The following PLXNA4 variants were observed in gnomAD, a reference collection of about 807,000 sequenced individuals.
PLXNA4 encodes the protein plexin-A4.
Under a neutral mutation model 191.8 loss-of-function variants are expected in PLXNA4, and 44 were observed. The ratio of observed to expected loss-of-function variants is 0.23; its 90% CI spans 0.18 to 0.29. The LOEUF (loss-of-function observed/expected upper bound fraction) is 0.29. Among genes scored for constraint, PLXNA4 ranks in the 10% least tolerant of loss-of-function variants. PLXNA4 has a pLI of 1.00. For synonymous variants in PLXNA4, 1,082 were observed against 1,009.5 expected, an observed-to-expected ratio of 1.07 and a Z score of -1.36; for missense variants, 1,800 against 2,488.8, an observed-to-expected ratio of 0.72 and a Z score of 5.89.
chr7:132,536,512 C>T (rs919791141), intron 1 of PLXNA4, among the ~76,000 whole-genome samples: 2 of 152,228 alleles, frequency 1.3e-5, no homozygotes, highest in African/African-American at 4.8e-5. Context: ...CTGAACAAGG[C>T]TTCCTTCAGC....
intron 2 of PLXNA4, among the ~76,000 whole-genome samples, chr7:132,623,876 A>C (rs1803321346): frequency 6.6e-6 from 1 of 152,230 alleles, no homozygotes; most frequent in Non-Finnish European, 1.5e-5. Flanking sequence ...CAAGCTGCTT[A>C]GTTGCTTTTT....
intron 2 of PLXNA4, among the ~76,000 whole-genome samples, chr7:132,594,371 A>G (rs1207793736): frequency 6.6e-6 from 1 of 152,202 alleles, no homozygotes; most frequent in Non-Finnish European, 1.5e-5. Flanking sequence ...CAGTGGGAGC[A>G]CGACCCTGCA....
chr7:132,485,848 C>T (rs1241742609), intron 3 of PLXNA4, among the ~76,000 whole-genome samples: 2 of 152,154 alleles, frequency 1.3e-5, no homozygotes, highest in Admixed American at 1.3e-4. Context: ...ACCTCCTTTC[C>T]CCCCGCTTCA....
intron 4 of PLXNA4, among the ~76,000 whole-genome samples, chr7:132,250,070 G>T (rs1004298814): frequency 1.3e-5 from 2 of 152,152 alleles, no homozygotes; most frequent in African/African-American, 4.8e-5. Context: ...AACAGACCTG[G>T]GTTTGGATCC....
intron 19 of PLXNA4, 118 bp downstream of exon 19, chr7:132,180,468 A>G (rs547219271): frequency 1.4e-6 from 2 of 1,459,582 alleles, no homozygotes; most frequent in African/African-American, 1.4e-5. Context: ...GGTGTGGGGT[A>G]GCTACAGGAA....
chr7:132,626,267 T>C (rs1803370619), intron 2 of PLXNA4, among the ~76,000 whole-genome samples: 2 of 152,230 alleles, frequency 1.3e-5, no homozygotes, highest in Non-Finnish European at 2.9e-5. Context: ...CCTACTGTAG[T>C]GGACACTGTC....
chr7:132,411,750 CA>C (rs1339019210), intron 3 of PLXNA4, among the ~76,000 whole-genome samples: 7 of 152,216 alleles, frequency 4.6e-5, no homozygotes, highest in Non-Finnish European at 1.0e-4. Flanking sequence ...ATCCCCAGTT[CA>C]AATTCCACTC....
At chr7:132,474,026 G>A (rs1244535308) in intron 3 of PLXNA4, among the ~76,000 whole-genome samples, 1 of 151,766 alleles carries the variant, frequency 6.6e-6, no homozygotes, top group East Asian at 1.9e-4. Context: ...AGAGAAAGCT[G>A]CAAACAGAAA....
intron 10 of PLXNA4, among the ~76,000 whole-genome samples, chr7:132,204,750 G>A (rs1797556352): frequency 2.0e-5 from 3 of 152,138 alleles, no homozygotes; most frequent in South Asian, 2.1e-4. Flanking sequence ...GGCAGGGACA[G>A]GTCTGCACCC....
In PLXNA4 at chr7:132,125,059, G is replaced by A. The variant is rs536196887; in HGVS notation, c.*5420C>T. ...AGTAAAAAAAAAAAAACTCTCTCTT[G>A]CATGTCTGAAACTTTTACTGCAGTG... On this transcript the variant is annotated 3_prime_UTR_variant, in exon 32 of 32. Transcript: ENST00000321063. 1 of 151,854 alleles carries A rather than the reference G, an allele frequency of 6.6e-6. No individual in the cohort carries two copies. The highest frequency in any genetic ancestry group is 1.5e-5 in the Non-Finnish European group (1 of 67,970). 9.4% of individuals were successfully genotyped at this position (151,854 alleles called of 1,614,324 possible).
At chr7:132,234,011 A>C (rs1798610388) in intron 5 of PLXNA4, among the ~76,000 whole-genome samples, 1 of 152,082 alleles carries the variant, frequency 6.6e-6, no homozygotes, top group Admixed American at 6.5e-5. Flanking sequence ...TAGCTCTATT[A>C]GGGCCTATTA....
At chr7:132,377,439 G>GAAAAC (rs1053319854) in intron 3 of PLXNA4, among the ~76,000 whole-genome samples, 2 of 142,430 alleles carry the variant, frequency 1.4e-5, no homozygotes, top group African/African-American at 2.6e-5. Flanking sequence ...AAAAAAAAAA[G>GAAAAC]AAAACAAAAC....
intron 1 of PLXNA4, among the ~76,000 whole-genome samples, chr7:132,562,042 CCTCCTCCTCTCCCTCCTCCTT>C (rs1801166657): frequency 7.8e-6 from 1 of 128,958 alleles, no homozygotes; most frequent in African/African-American, 3.1e-5. Context: ...TCCTCCTCTT[CCTCCTCCTCTCCCTCCTCCTT>C]CTCCTCCTCT....
At chr7:132,434,620 T>C (rs1419001465) in intron 3 of PLXNA4, among the ~76,000 whole-genome samples, 1 of 152,254 alleles carries the variant, frequency 6.6e-6, no homozygotes, top group African/African-American at 2.4e-5. Context: ...ATCTGCTATC[T>C]CTTTTTAGCC....
chr7:132,140,032 C>T (rs1303093890), intron 30 of PLXNA4, among the ~76,000 whole-genome samples: 2 of 152,216 alleles, frequency 1.3e-5, no homozygotes, highest in South Asian at 2.1e-4. Flanking sequence ...CCTTCAGTCA[C>T]GAGAGCTCTG....
chr7:132,369,962 G>A (rs1337311183), intron 3 of PLXNA4, among the ~76,000 whole-genome samples: 1 of 151,820 alleles, frequency 6.6e-6, no homozygotes, highest in Non-Finnish European at 1.5e-5. Context: ...CAGCTACTCG[G>A]GAGGCTGAGG....
At chr7:132,269,929 G>A (rs1179869621) in intron 4 of PLXNA4, among the ~76,000 whole-genome samples, 1 of 152,086 alleles carries the variant, frequency 6.6e-6, no homozygotes. Flanking sequence ...CAGTGCTGAG[G>A]CCCCTACTTT....
At chr7:132,320,561 C>T (rs1184974965) in intron 3 of PLXNA4, among the ~76,000 whole-genome samples, 2 of 152,172 alleles carry the variant, frequency 1.3e-5, no homozygotes, top group Non-Finnish European at 2.9e-5. Context: ...CCTGCAACAC[C>T]CCACGAACCA....
At chr7:132,616,539 T>C (rs2116861048) in intron 2 of PLXNA4, among the ~76,000 whole-genome samples, 1 of 152,290 alleles carries the variant, frequency 6.6e-6, no homozygotes, top group Admixed American at 6.5e-5. Flanking sequence ...CCATAAAACT[T>C]TTTGAGCATC....
Sources: gnomAD v4.1 joint callset for allele counts (sites outside exome capture counted in the v4.1 genomes callset) on GRCh38, gnomAD v4.1.1 for gene constraint, MANE v1.5 for transcripts, NCBI Gene and HGNC (gene_info 2026-07-23, HGNC 2026-07-21) for gene names.